AGBL2: variants seen among roughly 807,000 people sequenced by gnomAD.
The protein encoded by AGBL2 is cytosolic carboxypeptidase 2.
A neutral mutation model predicts 103.0 loss-of-function variants in AGBL2; 87 were observed. The ratio of observed to expected loss-of-function variants is 0.84; its 90% CI spans 0.71 to 1.01. The LOEUF (loss-of-function observed/expected upper bound fraction) is 1.01. AGBL2 is among the 50% of genes least tolerant of loss of function. AGBL2 has a pLI of 0.00. For missense variants in AGBL2, 904 were observed against 1,023.5 expected (o/e 0.88, Z 1.59); for synonymous variants, 335 against 356.7 (o/e 0.94, Z 0.69).
intron 13 of AGBL2, among the ~76,000 whole-genome samples, chr11:47,679,703 G>A (rs1286154215): frequency 5.3e-5 from 8 of 150,508 alleles, no homozygotes; most frequent in African/African-American, 1.7e-4. Context: ...GTGCAGTGGT[G>A]TGATCTCGAC....
chr11:47,665,435 G>A (rs1336119564), intron 17 of AGBL2, among the ~76,000 whole-genome samples: 3 of 151,726 alleles, frequency 2.0e-5, no homozygotes, highest in Non-Finnish European at 4.4e-5. Context: ...GACTCAAGCA[G>A]TCCTCCTCTC....
At chr11:47,707,261 T>A (rs1471710754) in intron 4 of AGBL2, among the ~76,000 whole-genome samples, 1 of 152,092 alleles carries the variant, frequency 6.6e-6, no homozygotes, top group African/African-American at 2.4e-5. Flanking sequence ...AAATACTACA[T>A]CAAGGGTAAA....
At chr11:47,714,505 G>GA in intron 2 of AGBL2, 113 bp downstream of exon 2, 1 of 1,386,964 alleles carries the variant, frequency 7.2e-7, no homozygotes, top group Non-Finnish European at 1.0e-6. Context: ...CTCCAGCTGA[G>GA]AAAAGATGCC....
intron 3 of AGBL2, among the ~76,000 whole-genome samples, chr11:47,711,424 C>G (rs1180602705): frequency 6.6e-6 from 1 of 152,212 alleles, no homozygotes; most frequent in Non-Finnish European, 1.5e-5. Flanking sequence ...TTGCTTGCCA[C>G]CCCTCCCCGG....
At chr11:47,709,255 C>T (rs867400973) in intron 4 of AGBL2, among the ~76,000 whole-genome samples, 3 of 150,860 alleles carry the variant, frequency 2.0e-5, no homozygotes, top group Admixed American at 6.6e-5. Flanking sequence ...TTGGAGGGGG[C>T]GGGGCAGCAC....
At chr11:47,695,891 G>A (rs1217685319) in intron 8 of AGBL2, among the ~76,000 whole-genome samples, 1 of 151,286 alleles carries the variant, frequency 6.6e-6, no homozygotes, top group East Asian at 2.0e-4. Context: ...CCAGCCAGGT[G>A]TGGTGGGTCA....
At chr11:47,661,794 G>A (rs369754928) in intron 18 of AGBL2, among the ~76,000 whole-genome samples, 1 of 149,638 alleles carries the variant, frequency 6.7e-6, no homozygotes, top group Non-Finnish European at 1.5e-5. Context: ...TCACTCTGTC[G>A]CCCAGGCTGC....
At chr11:47,676,158 C>G (rs1202547988) in intron 14 of AGBL2, among the ~76,000 whole-genome samples, 1 of 152,034 alleles carries the variant, frequency 6.6e-6, no homozygotes, top group African/African-American at 2.4e-5. Flanking sequence ...CACTAGACTC[C>G]TGATCTTCAC....
intron 14 of AGBL2, among the ~76,000 whole-genome samples, chr11:47,675,743 C>T (rs1054075658): frequency 2.0e-5 from 3 of 152,004 alleles, no homozygotes; most frequent in African/African-American, 7.2e-5. Context: ...TGGTGTCTCA[C>T]GCTTGTAATC....
At chr11:47,682,856 A>G (rs1298398802) in intron 11 of AGBL2, among the ~76,000 whole-genome samples, 7 of 152,156 alleles carry the variant, frequency 4.6e-5, no homozygotes, top group Non-Finnish European at 8.8e-5. Context: ...GAGGAGCCTC[A>G]GGGCATTTCT....
intron 14 of AGBL2, among the ~76,000 whole-genome samples, chr11:47,675,790 G>A (rs1460231346): frequency 2.6e-5 from 4 of 152,064 alleles, no homozygotes; most frequent in Non-Finnish European, 5.9e-5. Context: ...CAGATCCGTT[G>A]AGCTCAGTAG....
At chr11:47,691,190 C>T (rs766384155) in intron 9 of AGBL2, among the ~76,000 whole-genome samples, 3 of 151,336 alleles carry the variant, frequency 2.0e-5, no homozygotes, top group Non-Finnish European at 4.4e-5. Context: ...CTTGAACCCA[C>T]GAGGTGTAGG....
In AGBL2 at chr11:47,685,897, T is replaced by G. The variant is rs772520774; in HGVS notation, c.1784A>C (p.Asp595Ala). Residue 595 changes from aspartate (D) to alanine (A), a missense_variant, in exon 11 of 19, where the codon GAT becomes GCT. Coordinates refer to ENST00000525123, the MANE Select transcript of AGBL2 (RefSeq NM_024783.4). ...FPLMLCKNAP[D>A]KFSFHSCNFK... ...AAAATTACATTATGTGCTTACCTTATCTGGTGCATTTTTGCATAACATTAA... is the reference window on the plus strand; with the variant it reads ...AAAATTACATTATGTGCTTACCTTAGCTGGTGCATTTTTGCATAACATTAA... The G allele has an allele frequency of 1.4e-5, 22 of 1,613,830 alleles. 3 individuals carry two copies. The South Asian group carries it at 2.4e-4, about 18-fold the overall frequency.
chr11:47,660,484 A>C, intron 18 of AGBL2, 138 bp from the exon 19 acceptor site: 1 of 763,012 alleles, frequency 1.3e-6, no homozygotes. Flanking sequence ...AGTAGTTGAC[A>C]ATGTTACAGA....
At position 47,663,123 on chromosome 11, in the gene AGBL2, T is replaced by A; in HGVS notation, c.2449-11A>T. On this transcript the variant is annotated splice_polypyrimidine_tract_variant and intron_variant, in intron 17 of 18. Transcript: ENST00000525123. ...TCTATTTAAATTTGTCTAAAATAAA[T>A]GAACATATCCTCACTAAATTTTCCA... is the stretch of plus-strand genomic sequence containing the variant. 1 of 1,559,556 alleles carries A rather than the reference T, an allele frequency of 6.4e-7. No individual in the cohort carries two copies. Among genetic ancestry groups the A allele is most frequent in the South Asian group, 1.2e-5 (1 of 84,924 alleles).
chr11:47,708,212 T>C (rs1382178678), intron 4 of AGBL2, among the ~76,000 whole-genome samples: 1 of 151,758 alleles, frequency 6.6e-6, no homozygotes, highest in African/African-American at 2.4e-5. Context: ...GGATTACAGG[T>C]GGGCACCATC....
chr11:47,712,907 G>A (rs1055169245), intron 3 of AGBL2, among the ~76,000 whole-genome samples: 3 of 151,992 alleles, frequency 2.0e-5, no homozygotes, highest in African/African-American at 4.8e-5. Context: ...GGTGGTACAC[G>A]CCTGTAATCC....
chr11:47,708,402 G>C (rs1183496943), intron 4 of AGBL2, among the ~76,000 whole-genome samples: 1 of 151,600 alleles, frequency 6.6e-6, no homozygotes, highest in Non-Finnish European at 1.5e-5. Flanking sequence ...TGATTTGAAA[G>C]AGCTGTTATA....
chr11:47,702,304 C>T (rs2097502241), intron 7 of AGBL2, among the ~76,000 whole-genome samples: 1 of 152,144 alleles, frequency 6.6e-6, no homozygotes, highest in South Asian at 2.1e-4. Context: ...TTCTTTGACC[C>T]TCTTAATTGG....
Sources: allele counts gnomAD v4.1 joint callset (sites outside exome capture counted in the v4.1 genomes callset), GRCh38; gene constraint gnomAD v4.1.1; transcripts MANE v1.5; gene names NCBI Gene and HGNC (gene_info 2026-07-23, HGNC 2026-07-21).